KIAA1958: variants seen among roughly 807,000 people sequenced by gnomAD.
KIAA1958 encodes the protein uncharacterized protein KIAA1958.
In KIAA1958, 14 loss-of-function variants were observed where a neutral mutation model predicts 47.2. The observed-to-expected ratio is 0.30, with a 90% CI of 0.20 to 0.46. The LOEUF is 0.46. Among genes scored for constraint, KIAA1958 ranks in the 20% least tolerant of loss-of-function variants. The pLI is 1.00. For synonymous variants in KIAA1958, 354 were observed against 353.3 expected, an observed-to-expected ratio of 1.00 and a Z score of -0.02; for missense variants, 803 against 909.2, an observed-to-expected ratio of 0.88 and a Z score of 1.50.
intron 1 of KIAA1958, among the ~76,000 whole-genome samples, chr9:112,532,527 C>T (rs1171478757): frequency 6.6e-6 from 1 of 152,116 alleles, no homozygotes; most frequent in African/African-American, 2.4e-5. Flanking sequence ...CTGGAGTGAT[C>T]CTTTCTTTGA....
chr9:112,658,986 C>G (rs373156339), intron 3 of KIAA1958, among the ~76,000 whole-genome samples: 2 of 134,650 alleles, frequency 1.5e-5, no homozygotes, highest in East Asian at 2.2e-4. Flanking sequence ...CGCCACTGCA[C>G]TCCAGCCTGG....
At chr9:112,540,377 T>TA (rs1834920851) in intron 1 of KIAA1958, among the ~76,000 whole-genome samples, 1 of 152,218 alleles carries the variant, frequency 6.6e-6, no homozygotes, top group South Asian at 2.1e-4. Flanking sequence ...TATATACACA[T>TA]ATGTATGCAC....
intron 2 of KIAA1958, among the ~76,000 whole-genome samples, chr9:112,623,812 G>T (rs1413163799): frequency 6.6e-6 from 1 of 152,092 alleles, no homozygotes; most frequent in East Asian, 1.9e-4. Flanking sequence ...CTAGGCAGAG[G>T]GACTGCCTAT....
intron 1 of KIAA1958, among the ~76,000 whole-genome samples, chr9:112,572,645 A>G (rs1835559669): frequency 6.6e-6 from 1 of 152,176 alleles, no homozygotes; most frequent in South Asian, 2.1e-4. Flanking sequence ...TCAGTTTTGA[A>G]GAGGCTGGCC....
At chr9:112,502,342 T>C (rs1203614827) in intron 1 of KIAA1958, among the ~76,000 whole-genome samples, 1 of 152,084 alleles carries the variant, frequency 6.6e-6, no homozygotes, top group East Asian at 1.9e-4. Flanking sequence ...AAAATAAATA[T>C]CCTGACAGAT....
intron 1 of KIAA1958, among the ~76,000 whole-genome samples, chr9:112,528,258 C>T (rs1834695152): frequency 6.6e-6 from 1 of 152,176 alleles, no homozygotes; most frequent in South Asian, 2.1e-4. Context: ...CACCAGTTGT[C>T]ACTATGCTTT....
chr9:112,613,776 A>C (rs1189648601), intron 2 of KIAA1958, among the ~76,000 whole-genome samples: 1 of 152,202 alleles, frequency 6.6e-6, no homozygotes, highest in Admixed American at 6.5e-5. Context: ...AACAGTATTT[A>C]GTGTTGCTGA....
At chr9:112,651,535 C>T (rs1046107929) in intron 3 of KIAA1958, among the ~76,000 whole-genome samples, 5 of 151,838 alleles carry the variant, frequency 3.3e-5, no homozygotes, top group African/African-American at 1.2e-4. Context: ...GCTGGGATTA[C>T]AGGTGCCTGC....
rs1837294926 is a variant in KIAA1958 at position 112,662,536 on chromosome 9, T to TATA, written c.*2470_*2472dup. On this transcript the variant is annotated 3_prime_UTR_variant, in exon 4 of 4. Transcript: ENST00000337530. ...AGCGGCCTGGCGCGTGGCTCACGCC[T>TATA]ATAATCCCAGCACTTTGGGAGGCCA... 1.3e-5 allele frequency: 2 copies of TATA among 152,430 alleles called. No homozygotes were observed. The allele number at this position is 152,430 out of a possible 1,614,324, so 9.4% of individuals were successfully genotyped here.
At chr9:112,631,534 GAAAAAA>G (rs57805823) in intron 2 of KIAA1958, among the ~76,000 whole-genome samples, 1 of 98,306 alleles carries the variant, frequency 1.0e-5, no homozygotes, top group East Asian at 3.0e-4. Flanking sequence ...CTCTCTCAAA[GAAAAAA>G]AAAAAAAAAA....
chr9:112,523,929 G>A (rs1030394802), intron 1 of KIAA1958, among the ~76,000 whole-genome samples: 3 of 152,166 alleles, frequency 2.0e-5, no homozygotes, highest in African/African-American at 7.2e-5. Context: ...ATATACAAAA[G>A]GCTTTAGTGG....
intron 2 of KIAA1958, among the ~76,000 whole-genome samples, chr9:112,583,494 C>T (rs1274751985): frequency 6.6e-6 from 1 of 152,058 alleles, no homozygotes; most frequent in Non-Finnish European, 1.5e-5. Flanking sequence ...TAGACTTTCT[C>T]ATAGTATATA....
intron 2 of KIAA1958, among the ~76,000 whole-genome samples, chr9:112,610,356 C>T (rs1021633453): frequency 6.6e-6 from 1 of 151,656 alleles, no homozygotes; most frequent in African/African-American, 2.4e-5. Flanking sequence ...TTAACAAAAA[C>T]AGAGTATTAG....
In KIAA1958 at chr9:112,575,103, G is replaced by T. The variant is rs1384131995; in HGVS notation, c.1023G>T (p.Glu341Asp). 2 of 1,610,218 alleles carry T rather than the reference G, an allele frequency of 1.2e-6. No homozygotes were observed. The highest frequency in any genetic ancestry group is 2.7e-5 in the African/African-American group (2 of 74,914). Residue 341 changes from glutamate to aspartate, a missense_variant, in exon 2 of 4, where the codon GAG becomes GAT. Coordinates refer to ENST00000337530, the MANE Select transcript of KIAA1958 (RefSeq NM_133465.4). Reference protein sequence around the residue: ...PGQDEQVASEEFLSHLPSQVS... With the variant: ...PGQDEQVASEDFLSHLPSQVS... Reference sequence around the variant, plus strand: ...AGGATGAGCAAGTTGCCTCTGAAGAGTTCCTGTCCCATCTGCCCAGCCAGG... The same window carrying T: ...AGGATGAGCAAGTTGCCTCTGAAGATTTCCTGTCCCATCTGCCCAGCCAGG...
At chr9:112,491,152 G>A (rs1352734335) in intron 1 of KIAA1958, among the ~76,000 whole-genome samples, 2 of 152,094 alleles carry the variant, frequency 1.3e-5, no homozygotes, top group Admixed American at 6.6e-5. Flanking sequence ...TTTTTGTAGC[G>A]ATGGGGTCTT....
At chr9:112,569,436 A>T (rs1412566511) in intron 1 of KIAA1958, among the ~76,000 whole-genome samples, 2 of 152,214 alleles carry the variant, frequency 1.3e-5, no homozygotes, top group East Asian at 3.8e-4. Context: ...TTAATTCATT[A>T]AAAGCTTCTG....
rs956467609 is a variant in KIAA1958, at chr9:112,645,675, T to C, written c.1197T>C (p.Phe399=). ...IPAYSTKLNK[F]PVFNINDDLN... ...CTTATTCCACTAAGCTCAACAAATT[T>C]CCTGTATTTAATATTAATGATGACT... The change falls in exon 3 of 4, where the codon TTT becomes TTC. Residue 399 remains phenylalanine, a synonymous_variant. Coordinates refer to ENST00000337530, the MANE Select transcript of KIAA1958 (RefSeq NM_133465.4). The C allele has an allele frequency of 6.2e-7, 1 of 1,607,116 alleles. No homozygotes were observed. The highest frequency in any genetic ancestry group is 8.5e-7 in the Non-Finnish European group (1 of 1,177,046).
At chr9:112,640,957 A>G (rs534674056) in intron 2 of KIAA1958, among the ~76,000 whole-genome samples, 1 of 152,164 alleles carries the variant, frequency 6.6e-6, no homozygotes, top group South Asian at 2.1e-4. Flanking sequence ...TCAAGATTTT[A>G]TTCCATTATG....
intron 3 of KIAA1958, among the ~76,000 whole-genome samples, chr9:112,650,704 T>C (rs1837042624): frequency 6.6e-6 from 1 of 152,194 alleles, no homozygotes; most frequent in African/African-American, 2.4e-5. Context: ...TAAACCCAGC[T>C]ATCTTGATAA....
Sources: allele counts gnomAD v4.1 joint callset (sites outside exome capture counted in the v4.1 genomes callset), GRCh38; gene constraint gnomAD v4.1.1; transcripts MANE v1.5; gene names NCBI Gene and HGNC (gene_info 2026-07-23, HGNC 2026-07-21).